Variants in RPTOR observed in about 807,000 individuals in gnomAD.
RPTOR encodes the protein regulatory associated protein of MTOR complex 1.
Under a neutral mutation model 169.9 loss-of-function variants are expected in RPTOR, and 21 were observed. The observed-to-expected ratio is 0.12, with a 90% CI of 0.09 to 0.18. The LOEUF is 0.18. Among genes scored for constraint, RPTOR ranks in the 10% least tolerant of loss-of-function variants. The pLI, the probability that RPTOR is intolerant of heterozygous loss-of-function variation, is 1.00. For missense variants in RPTOR, 1,133 were observed against 1,855.9 expected (o/e 0.61, Z 7.16); for synonymous variants, 732 against 753.2 (o/e 0.97, Z 0.46).
chr17:80,832,405 A>G (rs1433215080), intron 9 of RPTOR, among the ~76,000 whole-genome samples: 1 of 152,122 alleles, frequency 6.6e-6, no homozygotes, highest in African/African-American at 2.4e-5. Context: ...ACAGACTTGG[A>G]GCTCACATGC....
intron 1 of RPTOR, among the ~76,000 whole-genome samples, chr17:80,555,114 T>C (rs1295278888): frequency 6.6e-6 from 1 of 152,152 alleles, no homozygotes; most frequent in Non-Finnish European, 1.5e-5. Context: ...TTAGTGTAGT[T>C]AGAAGAAAGT....
intron 20 of RPTOR, among the ~76,000 whole-genome samples, chr17:80,899,162 T>A (rs1295982072): frequency 6.6e-6 from 1 of 152,218 alleles, no homozygotes; most frequent in Non-Finnish European, 1.5e-5. Context: ...CACTAAAATA[T>A]GCCAAGTGCC....
At chr17:80,586,533 T>C (rs1202016442) in intron 1 of RPTOR, among the ~76,000 whole-genome samples, 1 of 152,240 alleles carries the variant, frequency 6.6e-6, no homozygotes, top group Non-Finnish European at 1.5e-5. Context: ...GCCATGGTGG[T>C]GCTCTGGTAC....
rs1165540456 is a variant in RPTOR at position 80,685,627 on chromosome 17, A to ATTTT, written c.349-22187_349-22184dup. On this transcript the variant is annotated intron_variant, in intron 3 of 33. Transcript: ENST00000306801. ...CATATATATATATATATATATATATATTTTTTTTTTTTTTTTTTTTTTTTT... is the reference window on the plus strand; with the variant it reads ...CATATATATATATATATATATATATATTTTTTTTTTTTTTTTTTTTTTTTTTTTT... Among the ~76,000 whole-genome samples the ATTTT allele has an allele frequency of 7.8e-4, 24 of 30,670 alleles. 1 individual carries two copies. Among genetic ancestry groups the ATTTT allele is most frequent in the Admixed American group, 1.6e-3 (3 of 1,888 alleles). The allele number at this position is 30,670 out of a possible 152,430, so 20.1% of individuals were successfully genotyped here. A position where few individuals can be genotyped will look rare whatever the true frequency, so the allele number is the denominator to read the frequency against.
chr17:80,575,563 TGTGCACACGTGTGCATACATGC>T (rs1430579640), intron 1 of RPTOR, among the ~76,000 whole-genome samples: 1 of 152,170 alleles, frequency 6.6e-6, no homozygotes, highest in Non-Finnish European at 1.5e-5. Flanking sequence ...TGCACCGCTG[TGTGCACACGTGTGCATACATGC>T]ATGCACACGC....
intron 6 of RPTOR, among the ~76,000 whole-genome samples, chr17:80,778,567 C>T (rs367718846): frequency 2.0e-5 from 3 of 152,148 alleles, no homozygotes; most frequent in East Asian, 3.8e-4. Context: ...GGGGCCCAGG[C>T]GGGAGGATCA....
At chr17:80,867,241 T>C (rs117751575) in intron 13 of RPTOR, among the ~76,000 whole-genome samples, 3,439 of 152,196 alleles carry the variant, frequency 0.023, 60 homozygotes, top group Non-Finnish European at 0.035. Flanking sequence ...TATTAAAGAA[T>C]TATTTTTAAA....
chr17:80,782,206 C>T (rs866884712), intron 6 of RPTOR, among the ~76,000 whole-genome samples: 14 of 152,196 alleles, frequency 9.2e-5, no homozygotes, highest in Non-Finnish European at 1.5e-4. Flanking sequence ...GCCAGTGATT[C>T]CTCCACCCTG....
intron 3 of RPTOR, among the ~76,000 whole-genome samples, chr17:80,678,930 T>C (rs570968358): frequency 6.6e-6 from 1 of 152,188 alleles, no homozygotes; most frequent in Non-Finnish European, 1.5e-5. Flanking sequence ...CTGTGTGGGG[T>C]GGGGGCGATG....
rs1300762132 is a variant in RPTOR at position 80,844,444 on chromosome 17, C to T, written c.1213-2029C>T. ...GAATTACCTGACTTCTGTTCACAGA[C>T]TCAAGCCTTCTCTAACTCAGGAGAA... On this transcript the variant is annotated intron_variant, in intron 10 of 33. Transcript: ENST00000306801. The surrounding 1 kb of genome is among the most constrained non-coding windows in gnomAD (Gnocchi z 4.7). Among the ~76,000 whole-genome samples the T allele has an allele frequency of 6.6e-6, 1 of 152,204 alleles. No individual in the cohort carries two copies. Among genetic ancestry groups the T allele is most frequent in the African/African-American group, 2.4e-5 (1 of 41,454 alleles).
At chr17:80,952,393 C>T (rs1418710490) in intron 28 of RPTOR, among the ~76,000 whole-genome samples, 2 of 152,204 alleles carry the variant, frequency 1.3e-5, no homozygotes, top group African/African-American at 4.8e-5. Context: ...TCCGTGGAGC[C>T]GCAGAGGTTT....
At chr17:80,627,068 T>C (rs2065401400) in intron 2 of RPTOR, among the ~76,000 whole-genome samples, 1 of 152,204 alleles carries the variant, frequency 6.6e-6, no homozygotes, top group Non-Finnish European at 1.5e-5. Context: ...TCTGCCTTCT[T>C]TCACTTAGCA....
intron 1 of RPTOR, among the ~76,000 whole-genome samples, chr17:80,601,355 G>A (rs1234025254): frequency 2.6e-4 from 4 of 15,398 alleles, no homozygotes; most frequent in East Asian, 1.9e-3. Flanking sequence ...CCATCACTGA[G>A]GGTTGGGGAC....
intron 13 of RPTOR, among the ~76,000 whole-genome samples, chr17:80,870,643 A>G (rs1232320120): frequency 6.6e-6 from 1 of 152,264 alleles, no homozygotes; most frequent in Admixed American, 6.5e-5. Context: ...TGCTGGTCCC[A>G]CAGCAGAAGG....
intron 1 of RPTOR, among the ~76,000 whole-genome samples, chr17:80,577,650 A>G (rs933845754): frequency 6.6e-6 from 1 of 152,156 alleles, no homozygotes; most frequent in African/African-American, 2.4e-5. Context: ...TATACTTTTC[A>G]TCAAGCAATA....
chr17:80,850,624 A>G (rs989750371), intron 11 of RPTOR, among the ~76,000 whole-genome samples: 7 of 152,248 alleles, frequency 4.6e-5, no homozygotes, highest in African/African-American at 1.7e-4. Context: ...TAGATGTCAC[A>G]GATCAGTGTG....
chr17:80,582,946 C>CT (rs1180827095), intron 1 of RPTOR, among the ~76,000 whole-genome samples: 1 of 146,636 alleles, frequency 6.8e-6, no homozygotes, highest in African/African-American at 2.5e-5. Context: ...GGGTCCCACT[C>CT]TATCACCCAG....
At chr17:80,817,306 T>G (rs2067334035) in intron 7 of RPTOR, among the ~76,000 whole-genome samples, 2 of 151,946 alleles carry the variant, frequency 1.3e-5, no homozygotes, top group South Asian at 4.2e-4. Context: ...AAAGGAAGGC[T>G]GGGGGTTCTG....
chr17:80,649,430 C>T (rs939110227), intron 3 of RPTOR, among the ~76,000 whole-genome samples: 2 of 152,040 alleles, frequency 1.3e-5, no homozygotes, highest in Admixed American at 6.5e-5. Context: ...CCTCCCTCCT[C>T]CTGCCCAAAC....
Sources: gnomAD v4.1 joint callset for allele counts (sites outside exome capture counted in the v4.1 genomes callset) on GRCh38, gnomAD v4.1.1 for gene constraint, Gnocchi (gnomAD v3.1) non-coding constraint, MANE v1.5 for transcripts, NCBI Gene and HGNC (gene_info 2026-07-23, HGNC 2026-07-21) for gene names.